Variants in DPP6 observed in about 807,000 individuals in gnomAD.
DPP6 encodes dipeptidyl peptidase like 6.
DPP6 carries 69 observed loss-of-function variants against 122.6 expected under a neutral mutation model. That is an observed-to-expected ratio of 0.56 (90% CI 0.46 to 0.69). The LOEUF is 0.69. Ranked by LOEUF, DPP6 falls within the 30% of genes least tolerant of loss-of-function variation. The pLI, the probability that DPP6 is intolerant of heterozygous loss-of-function variation, is 0.00. For missense variants in DPP6, 928 were observed against 1,116.9 expected (o/e 0.83, Z 2.41); for synonymous variants, 418 against 433.1 (o/e 0.97, Z 0.43).
chr7:154,694,447 A>G (rs1022679377), intron 7 of DPP6, among the ~76,000 whole-genome samples: 5 of 152,176 alleles, frequency 3.3e-5, no homozygotes, highest in African/African-American at 1.2e-4. Context: ...CCCCGTCTCC[A>G]CTAAAAATAC....
At chr7:154,423,262 G>A (rs1173124784) in intron 1 of DPP6, among the ~76,000 whole-genome samples, 2 of 152,170 alleles carry the variant, frequency 1.3e-5, no homozygotes, top group African/African-American at 4.8e-5. Flanking sequence ...AGTTAAGCAG[G>A]ATTTAGTAGA....
intron 2 of DPP6, among the ~76,000 whole-genome samples, chr7:154,465,327 C>T (rs1036388068): frequency 6.6e-6 from 1 of 152,020 alleles, no homozygotes; most frequent in African/African-American, 2.4e-5. Context: ...ATTTAGAAAA[C>T]AGAAATGCAA....
intron 5 of DPP6, among the ~76,000 whole-genome samples, chr7:154,568,569 C>G (rs576676677): frequency 2.5e-4 from 38 of 152,178 alleles, no homozygotes; most frequent in Non-Finnish European, 5.4e-4. Context: ...GTGCATGATA[C>G]AATTCTCCAC....
intron 1 of DPP6, among the ~76,000 whole-genome samples, chr7:154,273,112 T>A (rs942280550): frequency 2.6e-5 from 4 of 152,202 alleles, no homozygotes; most frequent in Non-Finnish European, 5.9e-5. Flanking sequence ...ACACCATGAA[T>A]ACAGCTGCTG....
At chr7:154,819,141 A>G (rs1227655598) in intron 16 of DPP6, among the ~76,000 whole-genome samples, 1 of 152,232 alleles carries the variant, frequency 6.6e-6, no homozygotes, top group Non-Finnish European at 1.5e-5. Context: ...TGGGCTGGGC[A>G]TGGTGACTCA....
chr7:154,016,946 A>T (rs1381064016), intron 1 of DPP6, among the ~76,000 whole-genome samples: 8 of 152,248 alleles, frequency 5.3e-5, no homozygotes, highest in African/African-American at 1.9e-4. Context: ...TACCTGGAGG[A>T]TGTTAAGCCA....
chr7:154,419,480 T>C (rs1250876655), intron 1 of DPP6, among the ~76,000 whole-genome samples: 1 of 152,208 alleles, frequency 6.6e-6, no homozygotes, highest in Non-Finnish European at 1.5e-5. Flanking sequence ...AAAGGACAAG[T>C]CCTGTGCAGA....
At position 154,467,313 on chromosome 7, in the gene DPP6, C is replaced by T. The variant is rs144463477; in HGVS notation, c.359-7626C>T. On this transcript the variant is annotated intron_variant, in intron 2 of 25. Coordinates refer to ENST00000377770, the MANE Select transcript of DPP6 (RefSeq NM_130797.4). ...CTGTGTTCCCACCCAAATCTCATGT[C>T]AAATTGTAATCCTAACGTGTTGAAT... Among the ~76,000 whole-genome samples the T allele has an allele frequency of 4.6e-5, 7 of 152,250 alleles. No individual in the cohort carries two copies. In the East Asian group the frequency reaches 1.4e-3, roughly 29 times the overall value.
chr7:153,856,224 A>T, the DPP6 span, among the ~76,000 whole-genome samples: 1 of 152,204 alleles, frequency 6.6e-6, no homozygotes, highest in African/African-American at 2.4e-5. Context: ...GGTTACAAAG[A>T]CTACCACAGA....
At chr7:154,827,585 T>A (rs768478128) in intron 16 of DPP6, among the ~76,000 whole-genome samples, 2 of 150,534 alleles carry the variant, frequency 1.3e-5, no homozygotes, top group Admixed American at 1.3e-4. Flanking sequence ...ATGCGTCTCT[T>A]GGAAAGGATG....
At chr7:154,680,530 C>T (rs1490035738) in intron 7 of DPP6, among the ~76,000 whole-genome samples, 1 of 152,082 alleles carries the variant, frequency 6.6e-6, no homozygotes, top group Non-Finnish European at 1.5e-5. Context: ...TATCATCTAT[C>T]AAACAATAGC....
intron 6 of DPP6, among the ~76,000 whole-genome samples, chr7:154,645,662 G>A (rs1275354918): frequency 1.3e-5 from 2 of 152,128 alleles, no homozygotes. Flanking sequence ...AATGCATGGG[G>A]TTTATGGTGA....
In DPP6 at chr7:154,342,039, T is replaced by C. The variant is rs149724388; in HGVS notation, c.244-104175T>C. On this transcript the variant is annotated intron_variant, in intron 1 of 25. Transcript: ENST00000377770. ...CTCATCACCTGTGATTCTTTTCTTG[T>C]TATCAGAGGGAGAAAATGTTGGCAC... Among the ~76,000 whole-genome samples the C allele has an allele frequency of 2.0e-5, 3 of 152,300 alleles. No homozygotes were observed. In the East Asian group the frequency reaches 5.8e-4, roughly 29 times the overall value.
At chr7:154,036,295 G>A (rs972869269) in intron 1 of DPP6, among the ~76,000 whole-genome samples, 3 of 109,102 alleles carry the variant, frequency 2.7e-5, no homozygotes, top group South Asian at 3.2e-4. Context: ...ATTTTTAGCG[G>A]GGGGTTGGGG....
At chr7:154,341,347 G>T (rs1334652630) in intron 1 of DPP6, among the ~76,000 whole-genome samples, 7 of 152,102 alleles carry the variant, frequency 4.6e-5, no homozygotes, top group African/African-American at 9.7e-5. Context: ...CACCTGGAGA[G>T]GTGGTTATGT....
chr7:154,753,703 G>T (rs1369165701), intron 8 of DPP6, among the ~76,000 whole-genome samples: 1 of 152,164 alleles, frequency 6.6e-6, no homozygotes, highest in Non-Finnish European at 1.5e-5. Flanking sequence ...TTTTGAGGAT[G>T]GAAAAGGGCA....
intron 1 of DPP6, among the ~76,000 whole-genome samples, chr7:154,007,223 C>T (rs1797948376): frequency 6.6e-6 from 1 of 152,208 alleles, no homozygotes; most frequent in African/African-American, 2.4e-5. Flanking sequence ...ACATGAATGT[C>T]GATGTATCTT....
At chr7:154,581,718 T>G (rs1448472180) in intron 5 of DPP6, among the ~76,000 whole-genome samples, 1 of 152,250 alleles carries the variant, frequency 6.6e-6, no homozygotes, top group Non-Finnish European at 1.5e-5. Context: ...CAGTGTCCCC[T>G]GCAGGTGCAG....
At chr7:154,028,579 C>T (rs907664133) in intron 1 of DPP6, among the ~76,000 whole-genome samples, 1 of 151,710 alleles carries the variant, frequency 6.6e-6, no homozygotes, top group African/African-American at 2.4e-5. Flanking sequence ...CAGGGACTTG[C>T]CCACATCTTC....
Sources: gnomAD v4.1 joint callset for allele counts (sites outside exome capture counted in the v4.1 genomes callset) on GRCh38, gnomAD v4.1.1 for gene constraint, MANE v1.5 for transcripts, NCBI Gene and HGNC (gene_info 2026-07-23, HGNC 2026-07-21) for gene names.